OPCML: variants seen among roughly 807,000 people sequenced by gnomAD.
OPCML encodes opioid-binding protein/cell adhesion molecule.
OPCML carries 13 observed loss-of-function variants against 37.8 expected under a neutral mutation model. That is an observed-to-expected ratio of 0.34 (90% CI 0.22 to 0.55). The LOEUF is 0.55. Ranked by LOEUF, OPCML falls within the 20% of genes least tolerant of loss-of-function variation. OPCML has a pLI of 0.91. For synonymous variants in OPCML, 176 were observed against 168.8 expected (o/e 1.04, Z -0.33); for missense variants, 341 against 435.6 (o/e 0.78, Z 1.93).
rs1321261696 is a variant in OPCML at position 132,418,755 on chromosome 11, T to A, written c.*1438A>T. The stretch of plus-strand genomic sequence containing the variant: ...AGGCGGGTGGACTCTTCACTTTGCA[T>A]TGCAGAGACAGATGTGTTTTTCTCT... On this transcript the variant is annotated 3_prime_UTR_variant, in exon 8 of 8. Coordinates refer to ENST00000524381, the MANE Select transcript of OPCML (RefSeq NM_001012393.5). 1 of 152,408 alleles carries A rather than the reference T, an allele frequency of 6.6e-6. No individual in the cohort carries two copies. The highest frequency in any genetic ancestry group is 1.5e-5 in the Non-Finnish European group (1 of 68,048). The allele number at this position is 152,408 out of a possible 1,614,324, so 9.4% of individuals were successfully genotyped here. A position where few individuals can be genotyped will look rare whatever the true frequency, so the allele number is the denominator to read the frequency against.
chr11:133,286,294 C>A (rs1942294269), intron 1 of OPCML, among the ~76,000 whole-genome samples: 1 of 151,762 alleles, frequency 6.6e-6, no homozygotes, highest in Non-Finnish European at 1.5e-5. Flanking sequence ...ACTAAAAATA[C>A]AAAATAAATA....
chr11:132,888,330 G>T (rs181100786), intron 2 of OPCML, among the ~76,000 whole-genome samples: 4 of 152,302 alleles, frequency 2.6e-5, no homozygotes, highest in Admixed American at 1.3e-4. Context: ...GTCAGACAGA[G>T]TGGAATGGAT....
intron 2 of OPCML, among the ~76,000 whole-genome samples, chr11:132,799,764 C>G (rs1470180018): frequency 1.3e-5 from 2 of 151,918 alleles, no homozygotes; most frequent in Non-Finnish European, 2.9e-5. Flanking sequence ...CTGCAAAGCT[C>G]AGTAAAATGA....
In OPCML at chr11:133,437,501, T is replaced by C. The variant is rs568046534; in HGVS notation, c.61+94763A>G. On this transcript the variant is annotated intron_variant, in intron 1 of 7. Coordinates refer to ENST00000524381, the MANE Select transcript of OPCML (RefSeq NM_001012393.5). ...AGACAATTAGGGTCTGGTACACATT[T>C]CCTTCAGAGACCTCTCACACCTCAG... is the stretch of plus-strand genomic sequence containing the variant. Among the ~76,000 whole-genome samples the C allele has an allele frequency of 2.0e-5, 3 of 152,248 alleles. No homozygotes were observed. In the East Asian group the frequency reaches 5.8e-4, roughly 29 times the overall value.
chr11:132,710,661 T>G (rs949136097), intron 2 of OPCML, among the ~76,000 whole-genome samples: 1 of 148,972 alleles, frequency 6.7e-6, no homozygotes, highest in African/African-American at 2.5e-5. Flanking sequence ...GAGACCAGCT[T>G]GGCCAACATG....
chr11:132,579,136 G>A (rs2096456996), intron 3 of OPCML, among the ~76,000 whole-genome samples: 2 of 152,074 alleles, frequency 1.3e-5, no homozygotes, highest in Non-Finnish European at 2.9e-5. Flanking sequence ...AAACAAATGT[G>A]GTAACACAGA....
chr11:133,192,904 A>G (rs1938382894), intron 1 of OPCML, among the ~76,000 whole-genome samples: 1 of 148,526 alleles, frequency 6.7e-6, no homozygotes, highest in South Asian at 2.1e-4. Flanking sequence ...TTTTGTTAAC[A>G]TGGCATTTGA....
At chr11:132,682,594 A>G (rs952735770) in intron 2 of OPCML, among the ~76,000 whole-genome samples, 1 of 152,162 alleles carries the variant, frequency 6.6e-6, no homozygotes, top group Admixed American at 6.5e-5. Flanking sequence ...TGGCAAACTC[A>G]AAGCAGTTTG....
At chr11:132,561,369 A>G (rs534909731) in intron 3 of OPCML, among the ~76,000 whole-genome samples, 2 of 152,120 alleles carry the variant, frequency 1.3e-5, no homozygotes, top group Non-Finnish European at 2.9e-5. Flanking sequence ...CATCTCCTCC[A>G]TAGGCTCTTT....
chr11:133,178,517 T>C (rs1476467873), intron 1 of OPCML, among the ~76,000 whole-genome samples: 2 of 152,172 alleles, frequency 1.3e-5, no homozygotes, highest in African/African-American at 4.8e-5. Flanking sequence ...ACATTTTCTA[T>C]CTACCAGAAG....
At chr11:133,024,519 A>T in intron 1 of OPCML, 2 of 985,410 alleles carry the variant, frequency 2.0e-6, no homozygotes, top group African/African-American at 3.5e-5. Flanking sequence ...AGAAACGCTT[A>T]TTGCCTGCTG....
chr11:132,622,329 C>T (rs188482410), intron 3 of OPCML, among the ~76,000 whole-genome samples: 337 of 151,950 alleles, frequency 2.2e-3, no homozygotes, highest in Middle Eastern at 3.4e-3. Context: ...AGAAAGGGGG[C>T]CTCTTACAAA....
chr11:133,109,137 T>C (rs1444911393), intron 1 of OPCML, among the ~76,000 whole-genome samples: 2 of 152,242 alleles, frequency 1.3e-5, no homozygotes, highest in Non-Finnish European at 2.9e-5. Flanking sequence ...TTAGTTTTTA[T>C]TACCTGCTCC....
intron 1 of OPCML, among the ~76,000 whole-genome samples, chr11:133,329,553 T>C (rs925842532): frequency 5.3e-5 from 8 of 152,168 alleles, no homozygotes; most frequent in African/African-American, 1.7e-4. Context: ...ATCTGATCTT[T>C]GACAAACCTG....
intron 1 of OPCML, among the ~76,000 whole-genome samples, chr11:133,318,460 G>A (rs1258196270): frequency 6.6e-6 from 1 of 151,416 alleles, no homozygotes; most frequent in Non-Finnish European, 1.5e-5. Flanking sequence ...AGTTAGAATC[G>A]CCATGACCCC....
intron 2 of OPCML, among the ~76,000 whole-genome samples, chr11:132,766,968 G>A (rs1946465706): frequency 6.6e-6 from 1 of 152,142 alleles, no homozygotes; most frequent in Non-Finnish European, 1.5e-5. Context: ...GATGTTTGCA[G>A]CTATATCTGA....
chr11:132,704,798 A>G (rs1166938043), intron 2 of OPCML, among the ~76,000 whole-genome samples: 2 of 152,258 alleles, frequency 1.3e-5, no homozygotes, highest in Non-Finnish European at 1.5e-5. Flanking sequence ...TAGTCATTCT[A>G]CAGAAAATAC....
chr11:132,815,759 C>G (rs758589542), intron 2 of OPCML, among the ~76,000 whole-genome samples: 1 of 152,148 alleles, frequency 6.6e-6, no homozygotes, highest in African/African-American at 2.4e-5. Flanking sequence ...TCTTCAAAAA[C>G]TCATGTTTAT....
chr11:132,946,483 A>G (rs1401947378), intron 1 of OPCML, among the ~76,000 whole-genome samples: 1 of 152,224 alleles, frequency 6.6e-6, no homozygotes, highest in African/African-American at 2.4e-5. Flanking sequence ...CACCAGCATC[A>G]CCACCAACAC....
Sources: allele counts gnomAD v4.1 joint callset (sites outside exome capture counted in the v4.1 genomes callset), GRCh38; gene constraint gnomAD v4.1.1; transcripts MANE v1.5; gene names NCBI Gene and HGNC (gene_info 2026-07-23, HGNC 2026-07-21).